The following IMMP2L variants were observed in gnomAD, a reference collection of about 807,000 sequenced individuals.
The protein encoded by IMMP2L is mitochondrial inner membrane protease subunit 2.
Under a neutral mutation model 19.3 loss-of-function variants are expected in IMMP2L, and 18 were observed. The ratio of observed to expected loss-of-function variants is 0.93; its 90% confidence interval spans 0.64 to 1.38. The LOEUF is 1.38. Ranked by LOEUF, IMMP2L falls within the 40% of genes most tolerant of loss-of-function variation. The pLI, the probability that IMMP2L is intolerant of heterozygous loss-of-function variation, is 0.00. For missense variants in IMMP2L, 233 were observed against 218.2 expected, an observed-to-expected ratio of 1.07 and a Z score of -0.43; for synonymous variants, 76 against 73.0, an observed-to-expected ratio of 1.04 and a Z score of -0.21.
intron 3 of IMMP2L, among the ~76,000 whole-genome samples, chr7:111,302,389 C>T (rs1822351902): frequency 6.6e-6 from 1 of 152,066 alleles, no homozygotes; most frequent in Non-Finnish European, 1.5e-5. Context: ...CAGACCAGCA[C>T]ATAGAATAGT....
intron 3 of IMMP2L, among the ~76,000 whole-genome samples, chr7:111,024,313 C>T (rs1826595361): frequency 6.6e-6 from 1 of 152,180 alleles, no homozygotes; most frequent in Admixed American, 6.5e-5. Flanking sequence ...TCCTCAGGCA[C>T]ATCAGCTGAT....
chr7:110,982,686 T>G, intron 3 of IMMP2L, among the ~76,000 whole-genome samples: 1 of 152,164 alleles, frequency 6.6e-6, no homozygotes, highest in East Asian at 1.9e-4. Flanking sequence ...TGAAAAGATA[T>G]CAACAGTATA....
At chr7:111,044,611 C>A (rs779502190) in intron 3 of IMMP2L, among the ~76,000 whole-genome samples, 1 of 152,124 alleles carries the variant, frequency 6.6e-6, no homozygotes, top group East Asian at 1.9e-4. Flanking sequence ...TTCTGGATAT[C>A]TTTATGAACA....
intron 3 of IMMP2L, among the ~76,000 whole-genome samples, chr7:111,032,332 T>C (rs1021788469): frequency 4.6e-5 from 7 of 152,150 alleles, no homozygotes; most frequent in African/African-American, 1.4e-4. Flanking sequence ...ATAAATATGA[T>C]AAACTGATCC....
At chr7:110,936,824 A>G (rs1816168072) in intron 4 of IMMP2L, among the ~76,000 whole-genome samples, 1 of 152,238 alleles carries the variant, frequency 6.6e-6, no homozygotes, top group South Asian at 2.1e-4. Context: ...GATAGACTAG[A>G]TAAAGAAAAT....
At chr7:111,428,188 C>T (rs1836272801) in intron 3 of IMMP2L, among the ~76,000 whole-genome samples, 1 of 151,570 alleles carries the variant, frequency 6.6e-6, no homozygotes, top group Admixed American at 6.6e-5. Context: ...TTGTATTTCA[C>T]CCTTACAGAA....
chr7:111,473,707 T>C (rs1841471146), intron 3 of IMMP2L, among the ~76,000 whole-genome samples: 1 of 152,200 alleles, frequency 6.6e-6, no homozygotes, highest in African/African-American at 2.4e-5. Context: ...AGAGAATATT[T>C]GCAATAAGCA....
chr7:111,417,039 A>C (rs529273467), intron 3 of IMMP2L, among the ~76,000 whole-genome samples: 2 of 151,778 alleles, frequency 1.3e-5, no homozygotes, highest in Non-Finnish European at 2.9e-5. Flanking sequence ...AGTTGCACTC[A>C]CCACATCTCA....
chr7:110,917,127 G>T (rs2129549758), intron 4 of IMMP2L, among the ~76,000 whole-genome samples: 1 of 152,252 alleles, frequency 6.6e-6, no homozygotes, highest in South Asian at 2.1e-4. Flanking sequence ...GTAGGGAAGA[G>T]AAGTCACATA....
At chr7:111,462,668 T>C (rs909062637) in intron 3 of IMMP2L, among the ~76,000 whole-genome samples, 4 of 152,100 alleles carry the variant, frequency 2.6e-5, no homozygotes, top group Non-Finnish European at 4.4e-5. Flanking sequence ...TTTTCTTAAC[T>C]AGAAGTTCAA....
In IMMP2L at chr7:111,419,720, C is replaced by G. The variant is rs1385703225; in HGVS notation, c.239+67518G>C. 1.3e-5 allele frequency among the ~76,000 whole-genome samples: 2 copies of G among 151,420 alleles called. 1 individual carries two copies. The highest frequency in any genetic ancestry group is 4.9e-5 in the African/African-American group (2 of 40,920). On this transcript the variant is annotated intron_variant, in intron 3 of 5. Coordinates refer to ENST00000405709, the MANE Select transcript of IMMP2L (RefSeq NM_032549.4). The stretch of plus-strand genomic sequence containing the variant: ...AACTGTGTTCTGACCACCATGGGCA[C>G]ATATCGTCAGGACCACCGGAGACCT...
chr7:111,280,160 G>A (rs37748), intron 3 of IMMP2L, among the ~76,000 whole-genome samples: 30,951 of 152,016 alleles, frequency 0.2, 4,300 homozygotes, highest in African/African-American at 0.39. Flanking sequence ...CTTCGACATC[G>A]TCTCATTATT....
intron 3 of IMMP2L, among the ~76,000 whole-genome samples, chr7:111,369,664 T>G (rs2131086260): frequency 6.6e-6 from 1 of 152,076 alleles, no homozygotes; most frequent in South Asian, 2.1e-4. Flanking sequence ...ATTAACATCA[T>G]TAAATCACAT....
chr7:110,898,459 A>G (rs1811541900), intron 4 of IMMP2L, among the ~76,000 whole-genome samples: 1 of 152,158 alleles, frequency 6.6e-6, no homozygotes, highest in Admixed American at 6.6e-5. Flanking sequence ...GATTTCTCAA[A>G]TGCTGGTTCT....
At chr7:110,971,181 C>A (rs575897330) in intron 3 of IMMP2L, among the ~76,000 whole-genome samples, 1 of 152,172 alleles carries the variant, frequency 6.6e-6, no homozygotes, top group East Asian at 1.9e-4. Context: ...AAGAATGGCA[C>A]AGCAGTCAGC....
At chr7:111,528,467 T>C (rs1433195157) in intron 1 of IMMP2L, among the ~76,000 whole-genome samples, 2 of 152,184 alleles carry the variant, frequency 1.3e-5, no homozygotes, top group Non-Finnish European at 2.9e-5. Flanking sequence ...ACTGAGAATA[T>C]TTTTTAAATA....
intron 4 of IMMP2L, among the ~76,000 whole-genome samples, chr7:110,935,020 T>A (rs560412179): frequency 6.6e-6 from 1 of 152,216 alleles, no homozygotes; most frequent in African/African-American, 2.4e-5. Flanking sequence ...TTTTTATGTG[T>A]GAATTTGATC....
At chr7:110,873,978 T>G (rs1021975154) in intron 5 of IMMP2L, among the ~76,000 whole-genome samples, 1 of 152,186 alleles carries the variant, frequency 6.6e-6, no homozygotes, top group Admixed American at 6.5e-5. Context: ...GAACACAGAA[T>G]GTATGATGAG....
intron 5 of IMMP2L, among the ~76,000 whole-genome samples, chr7:110,705,691 T>C (rs918015171): frequency 1.3e-5 from 2 of 152,110 alleles, no homozygotes; most frequent in African/African-American, 2.4e-5. Flanking sequence ...GATAACACTA[T>C]CTGGGTGCAT....
Sources: gnomAD v4.1 joint callset for allele counts (sites outside exome capture counted in the v4.1 genomes callset) on GRCh38, gnomAD v4.1.1 for gene constraint, MANE v1.5 for transcripts, NCBI Gene and HGNC (gene_info 2026-07-23, HGNC 2026-07-21) for gene names.